MYZAP: variants seen among roughly 807,000 people sequenced by gnomAD.
The protein encoded by MYZAP is GRINL1A complex locus upstream.
In MYZAP, 66 loss-of-function variants were observed where a neutral mutation model predicts 69.4. That is an observed-to-expected ratio of 0.95 (90% CI 0.78 to 1.17). The LOEUF is 1.17. Among genes scored for constraint, MYZAP ranks in the 50% most tolerant of loss-of-function variants. The pLI is 0.00. For missense variants in MYZAP, 611 were observed against 556.2 expected (o/e 1.10, Z -0.99); for synonymous variants, 256 against 205.9 (o/e 1.24, Z -2.09).
At chr15:57,661,787 G>T (rs1474519331) in intron 11 of MYZAP, among the ~76,000 whole-genome samples, 1 of 152,192 alleles carries the variant, frequency 6.6e-6, no homozygotes, top group Admixed American at 6.5e-5. Context: ...ATCCTAGCAA[G>T]CCTGATAAGC....
intron 11 of MYZAP, among the ~76,000 whole-genome samples, chr15:57,669,059 T>C (rs961986217): frequency 6.6e-6 from 1 of 151,914 alleles, no homozygotes; most frequent in East Asian, 1.9e-4. Flanking sequence ...CTCGGCTAAT[T>C]TTTGTATTTT....
chr15:57,680,182 C>T (rs572311054), intron 12 of MYZAP, among the ~76,000 whole-genome samples: 9 of 152,192 alleles, frequency 5.9e-5, no homozygotes, highest in Admixed American at 2.0e-4. Context: ...GCTACCTAAA[C>T]TCAGTATATT....
At chr15:57,639,601 T>C in intron 10 of MYZAP, 56 bp downstream of exon 10, 1 of 1,567,560 alleles carries the variant, frequency 6.4e-7, no homozygotes, top group South Asian at 1.2e-5. Flanking sequence ...TGGGGAAGCA[T>C]CCCCAGAACA....
chr15:57,628,528 C>T (rs1307204989), intron 5 of MYZAP, among the ~76,000 whole-genome samples: 1 of 151,606 alleles, frequency 6.6e-6, no homozygotes, highest in African/African-American at 2.4e-5. Context: ...GCTGGGATTA[C>T]AGTCATGAGC....
intron 11 of MYZAP, among the ~76,000 whole-genome samples, chr15:57,662,344 G>A (rs1378995404): frequency 2.0e-5 from 3 of 152,192 alleles, no homozygotes; most frequent in South Asian, 2.1e-4. Context: ...AGAGAGCCCA[G>A]CAGACAATGA....
Position 57,684,525 on chromosome 15 carries a change from G to C in MYZAP, c.*27G>C, listed in dbSNP as rs773001777. 6.9e-6 allele frequency: 10 copies of C among 1,448,158 alleles called. No individual in the cohort carries two copies. The Admixed American group carries it at 1.3e-4, about 18-fold the overall frequency. The allele number at this position is 1,448,158 out of a possible 1,614,324, so 89.7% of individuals were successfully genotyped here. On this transcript the variant is annotated 3_prime_UTR_variant, in exon 13 of 13. Transcript: ENST00000267853. ...CACTCAGAGGCATACACTTTTTACA[G>C]ATGGACAAAAGCTCTGGAACCCTGT...
rs116552428 is a variant in MYZAP at position 57,677,731 on chromosome 15, C to T, written c.1304+2663C>T. Among the ~76,000 whole-genome samples the T allele has an allele frequency of 3.3e-3, 500 of 152,314 alleles. 5 individuals are homozygous for T. Among genetic ancestry groups the T allele is most frequent in the African/African-American group, 0.012 (487 of 41,572 alleles). ...CTACAAGGAATTCACCAGTGTGGAA[C>T]AGTCAGGGAGGCTCAGGCTGTCCAG... is the stretch of plus-strand genomic sequence containing the variant. On this transcript the variant is annotated intron_variant, in intron 12 of 12. Coordinates refer to ENST00000267853, the MANE Select transcript of MYZAP (RefSeq NM_001018100.5).
chr15:57,604,024 A>C (rs1290461977), intron 1 of MYZAP, among the ~76,000 whole-genome samples: 1 of 152,226 alleles, frequency 6.6e-6, no homozygotes, highest in Non-Finnish European at 1.5e-5. Flanking sequence ...AAATGTTTGA[A>C]ATAGATCAAG....
chr15:57,627,353 A>G (rs2036199823), intron 5 of MYZAP, among the ~76,000 whole-genome samples: 1 of 132,804 alleles, frequency 7.5e-6, no homozygotes, highest in Non-Finnish European at 1.6e-5. Flanking sequence ...GAGAAACAGA[A>G]AGAGAGAGAC....
chr15:57,608,826 A>G (rs945620553), intron 2 of MYZAP, among the ~76,000 whole-genome samples: 8 of 152,162 alleles, frequency 5.3e-5, no homozygotes, highest in Non-Finnish European at 1.2e-4. Context: ...TTCCAAACAC[A>G]TAGCATCTCT....
intron 2 of MYZAP, among the ~76,000 whole-genome samples, chr15:57,617,712 A>G (rs557468601): frequency 6.6e-6 from 1 of 152,294 alleles, no homozygotes; most frequent in Non-Finnish European, 1.5e-5. Flanking sequence ...TAAGAGCATG[A>G]GGTTTCAAAT....
At chr15:57,671,580 T>A (rs1168091297) in intron 11 of MYZAP, among the ~76,000 whole-genome samples, 1 of 152,172 alleles carries the variant, frequency 6.6e-6, no homozygotes, top group Admixed American at 6.5e-5. Context: ...TTTTCAGTCT[T>A]TTGTTTATCT....
At chr15:57,599,262 G>GTC (rs139630500) in intron 1 of MYZAP, 1,715 of 165,092 alleles carry the variant, frequency 0.01, 17 homozygotes, top group South Asian at 0.04. Flanking sequence ...AAGCTATCCT[G>GTC]TCTCTCTACA....
chr15:57,662,363 GAAGA>G (rs1398010725), intron 11 of MYZAP, among the ~76,000 whole-genome samples: 4 of 152,180 alleles, frequency 2.6e-5, no homozygotes, highest in African/African-American at 9.6e-5. Context: ...GATAAAGTAA[GAAGA>G]AAGAGAAGAG....
chr15:57,650,767 T>A (rs1188866633), intron 10 of MYZAP, among the ~76,000 whole-genome samples: 1 of 152,084 alleles, frequency 6.6e-6, no homozygotes, highest in East Asian at 1.9e-4. Flanking sequence ...CCTTGTAGGA[T>A]GGGTTGGATT....
At chr15:57,592,147 C>G in intron 1 of MYZAP, 38 bp downstream of exon 1, 2 of 1,281,984 alleles carry the variant, frequency 1.6e-6, no homozygotes, top group Middle Eastern at 3.0e-4. Context: ...CGTCCCGTTC[C>G]CCCATCCCGG....
At position 57,653,978 on chromosome 15, in the gene MYZAP, C is replaced by G. The variant is rs146028883; in HGVS notation, c.1120-7472C>G. On this transcript the variant is annotated intron_variant, in intron 10 of 12. Coordinates refer to ENST00000267853, the MANE Select transcript of MYZAP (RefSeq NM_001018100.5). ...TATGATTGTAGCACTATGCTACAGC[C>G]TGGGTTACAGAGGCAAACGCTGTCA... is the stretch of plus-strand genomic sequence containing the variant. 2.8e-3 allele frequency among the ~76,000 whole-genome samples: 322 copies of G among 116,564 alleles called. 2 individuals are homozygous for G. The highest frequency in any genetic ancestry group is 0.01 in the African/African-American group (300 of 29,428). 76.5% of individuals were successfully genotyped at this position (116,564 alleles called of 152,430 possible). A position where few individuals can be genotyped will look rare whatever the true frequency, so the allele number is the denominator to read the frequency against.
intron 1 of MYZAP, chr15:57,599,309 T>C (rs1322744602): frequency 1.5e-5 from 4 of 263,848 alleles, no homozygotes; most frequent in Non-Finnish European, 2.5e-5. Flanking sequence ...TTGATTGCCT[T>C]GTTTGGGTAT....
At chr15:57,655,761 A>G (rs2037981471) in intron 10 of MYZAP, among the ~76,000 whole-genome samples, 1 of 152,260 alleles carries the variant, frequency 6.6e-6, no homozygotes, top group East Asian at 1.9e-4. Context: ...ACAAAGAAAC[A>G]TACTCATCAA....
Sources: gnomAD v4.1 joint callset for allele counts (sites outside exome capture counted in the v4.1 genomes callset) on GRCh38, gnomAD v4.1.1 for gene constraint, MANE v1.5 for transcripts, NCBI Gene and HGNC (gene_info 2026-07-23, HGNC 2026-07-21) for gene names.